Variants in HNF4G observed in about 807,000 individuals in gnomAD.
HNF4G encodes hepatocyte nuclear factor 4-gamma.
In HNF4G, 21 loss-of-function variants were observed where a neutral mutation model predicts 50.9. That is an observed-to-expected ratio of 0.41 (90% confidence interval 0.29 to 0.59). The LOEUF is 0.59. Among genes scored for constraint, HNF4G ranks in the 20% least tolerant of loss-of-function variants. HNF4G has a pLI of 0.26. For missense variants in HNF4G, 527 were observed against 559.4 expected, an observed-to-expected ratio of 0.94 and a Z score of 0.58; for synonymous variants, 198 against 185.6, an observed-to-expected ratio of 1.07 and a Z score of -0.54.
chr8:75,410,528 A>G (rs185912378), intron 1 of HNF4G, among the ~76,000 whole-genome samples: 33 of 152,288 alleles, frequency 2.2e-4, no homozygotes, highest in African/African-American at 7.7e-4. Flanking sequence ...CGCATTTGTT[A>G]CTAACTATCC....
At chr8:75,478,382 C>T (rs1001057492) in intron 1 of HNF4G, among the ~76,000 whole-genome samples, 6 of 152,156 alleles carry the variant, frequency 3.9e-5, no homozygotes, top group African/African-American at 9.7e-5. Flanking sequence ...GGAATACTTC[C>T]GCAGGCATTC....
chr8:75,540,711 G>A (rs1806593770), intron 1 of HNF4G, among the ~76,000 whole-genome samples: 2 of 151,908 alleles, frequency 1.3e-5, no homozygotes, highest in Admixed American at 1.3e-4. Context: ...GTTTTTTAGG[G>A]GTAGTGTCTT....
At chr8:75,527,726 G>A (rs1806220978) in intron 2 of HNF4G, among the ~76,000 whole-genome samples, 1 of 152,120 alleles carries the variant, frequency 6.6e-6, no homozygotes, top group Non-Finnish European at 1.5e-5. Context: ...CCATTTAGCT[G>A]TTTTGATACC....
At chr8:75,474,166 G>A (rs1426985148) in intron 1 of HNF4G, among the ~76,000 whole-genome samples, 1 of 152,134 alleles carries the variant, frequency 6.6e-6, no homozygotes, top group Non-Finnish European at 1.5e-5. Flanking sequence ...AAGACCAGAG[G>A]GGATGGGAGG....
intron 1 of HNF4G, among the ~76,000 whole-genome samples, chr8:75,411,167 G>A (rs542567571): frequency 1.3e-5 from 2 of 152,326 alleles, no homozygotes; most frequent in Admixed American, 6.5e-5. Flanking sequence ...GTCAGCTCTA[G>A]GTCGTGAACG....
At chr8:75,563,940 C>A (rs754579042) in intron 9 of HNF4G, 35 bp from the exon 10 acceptor site, 57 of 1,609,310 alleles carry the variant, frequency 3.5e-5, no homozygotes, top group Middle Eastern at 1.7e-4. Flanking sequence ...AGACTGACTG[C>A]CACCATTAGA....
intron 1 of HNF4G, among the ~76,000 whole-genome samples, chr8:75,459,861 T>C (rs888344547): frequency 5.3e-5 from 8 of 152,112 alleles, no homozygotes; most frequent in African/African-American, 1.9e-4. Flanking sequence ...TCAAGTTACA[T>C]AGTTGTGTCT....
chr8:75,436,986 G>A lies in HNF4G; in HGVS notation c.-144+28824G>A, dbSNP rs117063866. Among the ~76,000 whole-genome samples the A allele has an allele frequency of 4.9e-4, 75 of 152,342 alleles. 1 individual carries two copies. The East Asian group carries it at 0.014, about 29-fold the overall frequency. ...TTAAGCCCAGGAGTTCAAAGCTGCT[G>A]TGAGCTATGATTGTGCCACTGCATT... On this transcript the variant is annotated intron_variant, in intron 1 of 10. Coordinates refer to the HNF4G transcript ENST00000354370.
chr8:75,448,609 TA>T (rs1182610884), intron 1 of HNF4G, among the ~76,000 whole-genome samples: 1 of 151,386 alleles, frequency 6.6e-6, no homozygotes, highest in Non-Finnish European at 1.5e-5. Context: ...GTAATATGTA[TA>T]AGGGGGAAAC....
At chr8:75,530,267 G>A (rs1234151266) in intron 2 of HNF4G, among the ~76,000 whole-genome samples, 1 of 152,122 alleles carries the variant, frequency 6.6e-6, no homozygotes, top group Non-Finnish European at 1.5e-5. Context: ...GGCATCACAA[G>A]CAGAGAGGTT....
chr8:75,443,657 G>C (rs982352511), intron 1 of HNF4G, among the ~76,000 whole-genome samples: 7 of 152,170 alleles, frequency 4.6e-5, no homozygotes, highest in Non-Finnish European at 8.8e-5. Flanking sequence ...TCTGGGTCCA[G>C]TGTATTTGCT....
chr8:75,418,720 C>T (rs969944326), intron 1 of HNF4G, among the ~76,000 whole-genome samples: 5 of 140,422 alleles, frequency 3.6e-5, no homozygotes, highest in Non-Finnish European at 7.7e-5. Context: ...CTCTCTCTCT[C>T]TCTTTTTTTT....
In HNF4G at chr8:75,547,595, G is replaced by A. The variant is rs752672913; in HGVS notation, c.296G>A (p.Arg99Gln). ...KSHVYSCRFSRQCVVDKDKRN... is the reference protein window; with the variant it reads ...KSHVYSCRFSQQCVVDKDKRN... ...ATATCTTTATGTTATAGGTTCAGTC[G>A]GCAATGTGTTGTTGACAAGGACAAA... is the stretch of plus-strand genomic sequence containing the variant. Residue 99 changes from arginine to glutamine, a missense_variant, in exon 3 of 10, where the codon CGG (arginine) becomes CAG (glutamine). Around this residue, in one of 5 missense-constraint regions of HNF4G, gnomAD observed 128 missense variants for 135.3 expected, o/e 0.95. Coordinates refer to ENST00000396423, the MANE Select transcript of HNF4G (RefSeq NM_004133.5). The A allele has an allele frequency of 4.4e-6, 7 of 1,606,214 alleles. No individual in the cohort carries two copies. The highest frequency in any genetic ancestry group is 1.1e-5 in the South Asian group (1 of 90,886).
rs143247809 is a variant in HNF4G, at chr8:75,511,634, C to T, written c.-24+21426C>T. Among the ~76,000 whole-genome samples, 441 of 152,336 alleles carry T rather than the reference C, an allele frequency of 2.9e-3. 4 individuals are homozygous for T. The highest frequency in any genetic ancestry group is 9.6e-3 in the African/African-American group (399 of 41,582). ...TGAGACGAAGTCTCGCTCTGTCGCC[C>T]AGGCTGGACTGCAGTGGGCGATCTC... On this transcript the variant is annotated intron_variant, in intron 2 of 10. Transcript: ENST00000354370.
rs148129103 is a variant in HNF4G, at chr8:75,548,500, C to A, written c.382+819C>A. Among the ~76,000 whole-genome samples, 1,306 of 152,058 alleles carry A rather than the reference C, an allele frequency of 8.6e-3. 12 individuals are homozygous for A. Among genetic ancestry groups the A allele is most frequent in the African/African-American group, 0.028 (1,177 of 41,474 alleles). ...CCCTTTCAGGAAGCTTGTATTATAT[C>A]GAGGGACCGAGACAAGAGACTAGAT... On this transcript the variant is annotated intron_variant, in intron 3 of 9. Coordinates refer to ENST00000396423, the MANE Select transcript of HNF4G (RefSeq NM_004133.5).
At chr8:75,450,300 T>C (rs890577700) in intron 1 of HNF4G, among the ~76,000 whole-genome samples, 1 of 152,224 alleles carries the variant, frequency 6.6e-6, no homozygotes, top group Admixed American at 6.5e-5. Flanking sequence ...TTGTGAATAG[T>C]GCTGCAATGA....
intron 1 of HNF4G, among the ~76,000 whole-genome samples, chr8:75,428,239 G>A (rs894449394): frequency 1.3e-5 from 2 of 152,050 alleles, no homozygotes; most frequent in African/African-American, 4.8e-5. Flanking sequence ...GCACAACCGG[G>A]GCTTTCCCAG....
chr8:75,522,871 T>C (rs1444658071), intron 2 of HNF4G, among the ~76,000 whole-genome samples: 1 of 152,136 alleles, frequency 6.6e-6, no homozygotes, highest in Non-Finnish European at 1.5e-5. Flanking sequence ...CTGGAGTTTA[T>C]TTACTTTAAA....
At chr8:75,534,713 A>G (rs1277191784) in intron 2 of HNF4G, among the ~76,000 whole-genome samples, 3 of 151,878 alleles carry the variant, frequency 2.0e-5, no homozygotes, top group African/African-American at 7.2e-5. Context: ...AACTTTCTTT[A>G]GATTTTACTG....
Sources: gnomAD v4.1 joint callset for allele counts (sites outside exome capture counted in the v4.1 genomes callset) on GRCh38, gnomAD v4.1.1 for gene constraint, gnomAD v4.1.1 regional missense constraint, MANE v1.5 for transcripts, NCBI Gene and HGNC (gene_info 2026-07-23, HGNC 2026-07-21) for gene names.